ADAM12: variants seen among roughly 807,000 people sequenced by gnomAD.
ADAM12 encodes disintegrin and metalloproteinase domain-containing protein 12.
In ADAM12, 70 loss-of-function variants were observed where a neutral mutation model predicts 106.4. That is an observed-to-expected ratio of 0.66 (90% CI 0.54 to 0.80). The LOEUF is 0.80. Among genes scored for constraint, ADAM12 ranks in the 30% least tolerant of loss-of-function variants. The pLI, the probability that ADAM12 is intolerant of heterozygous loss-of-function variation, is 0.00. For missense variants in ADAM12, 1,010 were observed against 1,171.9 expected (o/e 0.86, Z 2.02); for synonymous variants, 420 against 433.5 (o/e 0.97, Z 0.39).
chr10:126,097,610 A>T (rs1206728375), intron 10 of ADAM12, among the ~76,000 whole-genome samples: 1 of 152,196 alleles, frequency 6.6e-6, no homozygotes, highest in Non-Finnish European at 1.5e-5. Context: ...GCAGGGTTCT[A>T]TTTGTTTAAT....
chr10:126,085,046 T>C (rs1955310799), intron 11 of ADAM12, among the ~76,000 whole-genome samples: 2 of 152,238 alleles, frequency 1.3e-5, no homozygotes, highest in Admixed American at 6.5e-5. Flanking sequence ...TTAGATTTGA[T>C]ATTTTTGATC....
At chr10:126,029,205 G>A (rs368307559) in intron 21 of ADAM12, among the ~76,000 whole-genome samples, 16 of 152,142 alleles carry the variant, frequency 1.1e-4, no homozygotes, top group African/African-American at 3.1e-4. Context: ...CAAAGACCTA[G>A]CAGCAGAGAT....
intron 20 of ADAM12, among the ~76,000 whole-genome samples, chr10:126,036,872 CTCTT>C (rs963553695): frequency 5.9e-5 from 9 of 152,182 alleles, no homozygotes; most frequent in African/African-American, 2.2e-4. Context: ...CTTCCTTCCT[CTCTT>C]TCTAAAAACA....
intron 3 of ADAM12, among the ~76,000 whole-genome samples, chr10:126,174,192 T>C (rs1014872231): frequency 6.7e-6 from 1 of 148,574 alleles, no homozygotes; most frequent in African/African-American, 2.5e-5. Flanking sequence ...CTCCTCCCCC[T>C]TCCCCCCACT....
At chr10:126,316,702 A>T (rs1451335930) in intron 2 of ADAM12, among the ~76,000 whole-genome samples, 1 of 151,046 alleles carries the variant, frequency 6.6e-6, no homozygotes, top group African/African-American at 2.4e-5. Context: ...ACAAAAAATA[A>T]TTTTTTAAAT....
At chr10:126,121,519 A>G (rs1956115434) in intron 5 of ADAM12, among the ~76,000 whole-genome samples, 1 of 143,168 alleles carries the variant, frequency 7.0e-6, no homozygotes, top group South Asian at 2.1e-4. Context: ...AAAATTATAT[A>G]TTATATAATT....
At chr10:126,338,323 G>T (rs1590799103) in intron 1 of ADAM12, among the ~76,000 whole-genome samples, 1 of 141,378 alleles carries the variant, frequency 7.1e-6, no homozygotes, top group East Asian at 2.1e-4. Context: ...CGGGATCTCG[G>T]CTCACTGCAA....
intron 2 of ADAM12, among the ~76,000 whole-genome samples, chr10:126,301,648 C>G (rs1007048122): frequency 6.6e-6 from 1 of 152,004 alleles, no homozygotes; most frequent in African/African-American, 2.4e-5. Flanking sequence ...TATAGGAGGT[C>G]AAGACTTGTA....
rs1856285397 is a variant in ADAM12 at position 126,376,145 on chromosome 10, C to CT, written c.88+11912dup. Among the ~76,000 whole-genome samples the CT allele has an allele frequency of 2.6e-5, 4 of 152,138 alleles. No homozygotes were observed. In the South Asian group the frequency reaches 8.3e-4, roughly 32 times the overall value. ...AAGGAATGTATAGGAAAAAACAAAA[C>CT]TTACCCTTTCAGGTGATTATTCTCT... On this transcript the variant is annotated intron_variant, in intron 1 of 22. Transcript: ENST00000448723.
chr10:126,298,808 G>A (rs548233313), intron 2 of ADAM12, among the ~76,000 whole-genome samples: 2 of 152,166 alleles, frequency 1.3e-5, no homozygotes, highest in Admixed American at 6.5e-5. Flanking sequence ...ACTGACAAAT[G>A]ACACCACAGA....
chr10:126,028,553 G>A (rs904959873), intron 21 of ADAM12, among the ~76,000 whole-genome samples: 20 of 152,048 alleles, frequency 1.3e-4, no homozygotes, highest in Non-Finnish European at 2.6e-4. Context: ...AAAGCAATGG[G>A]GAAAGGATTC....
chr10:126,252,106 T>TGGATGGATG (rs1958792629), intron 3 of ADAM12, among the ~76,000 whole-genome samples: 1 of 52,792 alleles, frequency 1.9e-5, no homozygotes. Flanking sequence ...ATGGATTGGA[T>TGGATGGATG]GGATGGATGG....
chr10:126,371,816 T>A (rs1243741208), intron 1 of ADAM12, among the ~76,000 whole-genome samples: 1 of 152,268 alleles, frequency 6.6e-6, no homozygotes, highest in Non-Finnish European at 1.5e-5. Flanking sequence ...CTCCCACATC[T>A]CTTTCTCAAA....
chr10:126,227,172 T>C (rs1958212857), intron 3 of ADAM12, among the ~76,000 whole-genome samples: 1 of 151,878 alleles, frequency 6.6e-6, no homozygotes, highest in Non-Finnish European at 1.5e-5. Context: ...ACCATGATCA[T>C]AATCACCATA....
At chr10:126,214,042 A>T (rs1957944516) in intron 3 of ADAM12, among the ~76,000 whole-genome samples, 2 of 152,250 alleles carry the variant, frequency 1.3e-5, no homozygotes, top group South Asian at 4.1e-4. Context: ...CTTCAAAAAT[A>T]TGGCTAAAAT....
chr10:126,249,683 G>A (rs12243986), intron 3 of ADAM12, among the ~76,000 whole-genome samples: 36,308 of 152,116 alleles, frequency 0.24, 5,245 homozygotes, highest in African/African-American at 0.41. Context: ...CAGTCTGCCA[G>A]ACTCCGTCTC....
At chr10:126,277,255 T>C (rs1018539383) in intron 3 of ADAM12, among the ~76,000 whole-genome samples, 10 of 152,198 alleles carry the variant, frequency 6.6e-5, no homozygotes, top group Non-Finnish European at 2.9e-5. Flanking sequence ...ATGTATATTG[T>C]TTTCATAGTA....
At chr10:126,229,048 GA>G (rs1393901833) in intron 3 of ADAM12, among the ~76,000 whole-genome samples, 3 of 152,172 alleles carry the variant, frequency 2.0e-5, no homozygotes, top group Admixed American at 1.3e-4. Context: ...CAAAACAAAA[GA>G]GAAAAACCTG....
chr10:126,243,130 A>G (rs542706048), intron 3 of ADAM12, among the ~76,000 whole-genome samples: 1 of 152,280 alleles, frequency 6.6e-6, no homozygotes, highest in African/African-American at 2.4e-5. Context: ...GAAGCAGGCC[A>G]GTGTTACCAT....
Sources: gnomAD v4.1 joint callset for allele counts (sites outside exome capture counted in the v4.1 genomes callset) on GRCh38, gnomAD v4.1.1 for gene constraint, MANE v1.5 for transcripts, NCBI Gene and HGNC (gene_info 2026-07-23, HGNC 2026-07-21) for gene names.